The following TANGO6 variants were observed in gnomAD, a reference collection of about 807,000 sequenced individuals.
TANGO6 encodes transport and golgi organization 6 homolog.
Under a neutral mutation model 114.2 loss-of-function variants are expected in TANGO6, and 90 were observed. The ratio of observed to expected loss-of-function variants is 0.79; its 90% CI spans 0.66 to 0.94. The LOEUF (loss-of-function observed/expected upper bound fraction) is 0.94, where lower values mean the gene tolerates loss of function less well. Among genes scored for constraint, TANGO6 ranks in the 40% least tolerant of loss-of-function variants. The pLI is 0.00. For synonymous variants in TANGO6, 477 were observed against 509.8 expected, an observed-to-expected ratio of 0.94 and a Z score of 0.87; for missense variants, 1,274 against 1,315.3, an observed-to-expected ratio of 0.97 and a Z score of 0.49.
chr16:68,848,084 C>T (rs1171592091), intron 1 of TANGO6, among the ~76,000 whole-genome samples: 1 of 151,634 alleles, frequency 6.6e-6, no homozygotes, highest in Admixed American at 6.6e-5. Flanking sequence ...TTCTCTCTCT[C>T]TCTCTGTTTC....
At chr16:68,983,600 G>C (rs1963861534) in intron 15 of TANGO6, among the ~76,000 whole-genome samples, 1 of 152,196 alleles carries the variant, frequency 6.6e-6, no homozygotes, top group Non-Finnish European at 1.5e-5. Flanking sequence ...GGCCTGTATG[G>C]AGTATTGTGA....
At chr16:68,875,113 G>C in intron 4 of TANGO6, 41 bp from the exon 5 acceptor site, 1 of 1,569,938 alleles carries the variant, frequency 6.4e-7, no homozygotes, top group Non-Finnish European at 8.7e-7. Flanking sequence ...CTTCTGTGGG[G>C]AATTGCTGTG....
At chr16:69,017,541 A>C (rs1959321040) in intron 15 of TANGO6, among the ~76,000 whole-genome samples, 2 of 152,088 alleles carry the variant, frequency 1.3e-5, no homozygotes, top group Admixed American at 1.3e-4. Context: ...TTCTTCCTTT[A>C]ACCACAACAG....
intron 4 of TANGO6, among the ~76,000 whole-genome samples, chr16:68,872,369 T>G (rs1962285773): frequency 6.6e-6 from 1 of 151,992 alleles, no homozygotes; most frequent in East Asian, 1.9e-4. Context: ...TGGCACGATC[T>G]TTGCTCACTG....
At chr16:69,031,285 C>T (rs967551371) in intron 16 of TANGO6, among the ~76,000 whole-genome samples, 9 of 152,030 alleles carry the variant, frequency 5.9e-5, no homozygotes, top group South Asian at 4.2e-4. Flanking sequence ...TCTTGTCATA[C>T]CCCCAATACC....
At chr16:68,943,424 C>T (rs1450987573) in intron 14 of TANGO6, among the ~76,000 whole-genome samples, 3 of 147,370 alleles carry the variant, frequency 2.0e-5, no homozygotes, top group African/African-American at 2.5e-5. Context: ...AGTGCAGTGG[C>T]GCAGTCTTGG....
intron 17 of TANGO6, among the ~76,000 whole-genome samples, chr16:69,077,295 A>T (rs893114108): frequency 6.6e-6 from 1 of 151,974 alleles, no homozygotes; most frequent in Non-Finnish European, 1.5e-5. Context: ...TGGCAACAGC[A>T]GATCATTAGA....
chr16:68,847,509 A>C (rs888393748), intron 1 of TANGO6, among the ~76,000 whole-genome samples: 2 of 152,202 alleles, frequency 1.3e-5, no homozygotes, highest in African/African-American at 2.4e-5. Context: ...CTTTTGTTTT[A>C]AATCACTTTC....
chr16:69,039,171 T>C (rs1315277229), intron 16 of TANGO6, among the ~76,000 whole-genome samples: 1 of 147,872 alleles, frequency 6.8e-6, no homozygotes, highest in South Asian at 2.2e-4. Flanking sequence ...GGCGACAGAG[T>C]GAGACTCCAT....
chr16:68,893,581 CA>C (rs1418290981), intron 7 of TANGO6, among the ~76,000 whole-genome samples: 1 of 151,584 alleles, frequency 6.6e-6, no homozygotes, highest in Non-Finnish European at 1.5e-5. Context: ...ACTAAAAATA[CA>C]AAAATTAGCC....
chr16:68,909,641 G>A (rs1039745313), intron 11 of TANGO6: 3 of 322,974 alleles, frequency 9.3e-6, no homozygotes, highest in African/African-American at 6.4e-5. Context: ...GTAAAATTTT[G>A]TCTTAAATGT....
intron 14 of TANGO6, among the ~76,000 whole-genome samples, chr16:68,953,723 G>C (rs1963496834): frequency 6.6e-6 from 1 of 152,146 alleles, no homozygotes; most frequent in Non-Finnish European, 1.5e-5. Context: ...ACTCTACCTG[G>C]AGGTATCTCA....
At position 68,905,178 on chromosome 16, in the gene TANGO6, C is replaced by T. The variant is rs112585596; in HGVS notation, c.1668-2265C>T. Among the ~76,000 whole-genome samples the T allele has an allele frequency of 4.8e-3, 720 of 151,008 alleles. 5 individuals carry two copies. The highest frequency in any genetic ancestry group is 0.017 in the African/African-American group (685 of 41,080). On this transcript the variant is annotated intron_variant, in intron 9 of 17. Coordinates refer to ENST00000261778, the MANE Select transcript of TANGO6 (RefSeq NM_024562.2). ...CTGGGAGGCAGAGGTTGCGGTGGGC[C>T]GAGATTGTGCCATTGCACTCCAGTC...
At chr16:68,928,206 A>G (rs111398612) in intron 13 of TANGO6, 123 bp downstream of exon 13, 4 of 1,165,256 alleles carry the variant, frequency 3.4e-6, no homozygotes, top group African/African-American at 3.1e-5. Flanking sequence ...AAATTTGTGA[A>G]TTTTGTGAGG....
At chr16:69,039,102 G>T (rs142280265) in intron 16 of TANGO6, among the ~76,000 whole-genome samples, 1 of 151,962 alleles carries the variant, frequency 6.6e-6, no homozygotes, top group African/African-American at 2.4e-5. Context: ...GGAGAATGGC[G>T]TGAACCCGGG....
chr16:68,974,262 TGTG>T, intron 15 of TANGO6, 94 bp downstream of exon 15: 1 of 1,465,516 alleles, frequency 6.8e-7, no homozygotes, highest in Non-Finnish European at 9.5e-7. Flanking sequence ...GTTACACTAG[TGTG>T]GTGAGGGTAG....
At chr16:68,893,699 G>A (rs565937640) in intron 7 of TANGO6, among the ~76,000 whole-genome samples, 249 of 136,170 alleles carry the variant, frequency 1.8e-3, no homozygotes, top group Admixed American at 5.1e-3. Context: ...TCACGCCACT[G>A]CATTCCTGCC....
intron 17 of TANGO6, among the ~76,000 whole-genome samples, chr16:69,055,593 A>C (rs1213922976): frequency 6.6e-6 from 1 of 152,200 alleles, no homozygotes; most frequent in Non-Finnish European, 1.5e-5. Context: ...GTTTGTGTAA[A>C]ATCAGGTTCA....
Position 68,854,640 on chromosome 16 carries a change from A to G in TANGO6, c.95-5244A>G, listed in dbSNP as rs564655548. 2.1e-5 allele frequency among the ~76,000 whole-genome samples: 3 copies of G among 143,340 alleles called. No individual in the cohort carries two copies. In the East Asian group the frequency reaches 6.0e-4, roughly 29 times the overall value. The allele number at this position is 143,340 out of a possible 152,430, so 94.0% of individuals were successfully genotyped here. A position where few individuals can be genotyped will look rare whatever the true frequency, so the allele number is the denominator to read the frequency against. ...AAAGTTTTTTTTTTTTTTTTTCCCC[A>G]TGTGGATATCCAGTTGTTCCAACCT... On this transcript the variant is annotated intron_variant, in intron 1 of 17. Transcript: ENST00000261778.
Sources: allele counts gnomAD v4.1 joint callset (sites outside exome capture counted in the v4.1 genomes callset), GRCh38; gene constraint gnomAD v4.1.1; transcripts MANE v1.5; gene names NCBI Gene and HGNC (gene_info 2026-07-23, HGNC 2026-07-21).